The following PRKCE variants were observed in gnomAD, a reference collection of about 807,000 sequenced individuals.
PRKCE encodes protein kinase C epsilon type.
Under a neutral mutation model 85.4 loss-of-function variants are expected in PRKCE, and 16 were observed. The observed-to-expected ratio is 0.19, with a 90% CI of 0.13 to 0.28. The LOEUF (loss-of-function observed/expected upper bound fraction) is 0.28, where lower values mean the gene tolerates loss of function less well. Ranked by LOEUF, PRKCE falls within the 10% of genes least tolerant of loss-of-function variation. The pLI, the probability that PRKCE is intolerant of heterozygous loss-of-function variation, is 1.00. For synonymous variants in PRKCE, 388 were observed against 371.5 expected (o/e 1.04, Z -0.51); for missense variants, 573 against 975.2 (o/e 0.59, Z 5.49).
Position 45,709,189 on chromosome 2 carries a change from C to G in PRKCE, c.348+56741C>G, listed in dbSNP as rs975078328. Reference sequence around the variant, plus strand: ...CCCTTCTGGAAGAGGTTAGTAGGGCCTACCAGAGCTTGGTGGCAGGTGCTG... The same window carrying G: ...CCCTTCTGGAAGAGGTTAGTAGGGCGTACCAGAGCTTGGTGGCAGGTGCTG... On this transcript the variant is annotated intron_variant, in intron 1 of 14. Transcript: ENST00000306156. Among the ~76,000 whole-genome samples the G allele has an allele frequency of 3.9e-5, 6 of 152,178 alleles. No individual in the cohort carries two copies. In the South Asian group the frequency reaches 8.3e-4, roughly 21 times the overall value.
At chr2:45,805,845 C>T (rs1437975004) in intron 1 of PRKCE, among the ~76,000 whole-genome samples, 2 of 152,180 alleles carry the variant, frequency 1.3e-5, no homozygotes, top group Non-Finnish European at 2.9e-5. Flanking sequence ...GTGATCCTCC[C>T]TCCTTGGCCT....
intron 1 of PRKCE, among the ~76,000 whole-genome samples, chr2:45,834,936 T>C (rs1267245243): frequency 6.6e-6 from 1 of 152,242 alleles, no homozygotes; most frequent in Non-Finnish European, 1.5e-5. Context: ...ATTTAAATAA[T>C]TCAGCAGACT....
At chr2:46,038,487 C>T (rs935303287) in intron 10 of PRKCE, among the ~76,000 whole-genome samples, 1 of 152,108 alleles carries the variant, frequency 6.6e-6, no homozygotes, top group Non-Finnish European at 1.5e-5. Flanking sequence ...ACTGCTAGCT[C>T]CCAAGCAATG....
At chr2:45,847,090 C>T (rs748239122) in intron 2 of PRKCE, among the ~76,000 whole-genome samples, 3 of 152,214 alleles carry the variant, frequency 2.0e-5, no homozygotes, top group Admixed American at 6.5e-5. Flanking sequence ...AGGGACTGTG[C>T]GATTGCTTTC....
At chr2:45,799,387 T>C (rs2105167080) in intron 1 of PRKCE, among the ~76,000 whole-genome samples, 1 of 152,110 alleles carries the variant, frequency 6.6e-6, no homozygotes, top group South Asian at 2.1e-4. Flanking sequence ...TTGTAGTAAA[T>C]ATAAAAGTTA....
intron 2 of PRKCE, among the ~76,000 whole-genome samples, chr2:45,872,339 A>C (rs1056642986): frequency 3.3e-5 from 5 of 152,322 alleles, no homozygotes; most frequent in Admixed American, 6.5e-5. Flanking sequence ...ATGAGGAGGC[A>C]AAGGGTGGAA....
intron 2 of PRKCE, among the ~76,000 whole-genome samples, chr2:45,892,655 C>A (rs1359349316): frequency 6.6e-6 from 1 of 152,112 alleles, no homozygotes; most frequent in East Asian, 1.9e-4. Flanking sequence ...TAAAGGCTGC[C>A]CTGGCGGTGG....
intron 11 of PRKCE, among the ~76,000 whole-genome samples, chr2:46,133,932 AAG>A (rs1674708380): frequency 6.6e-6 from 1 of 152,206 alleles, no homozygotes; most frequent in African/African-American, 2.4e-5. Flanking sequence ...TAAAGTGGCC[AAG>A]AGAGGCATCT....
rs139713842 is a variant in PRKCE at position 46,170,878 on chromosome 2, A to C, written c.2067+11126A>C. 1.6e-3 allele frequency among the ~76,000 whole-genome samples: 248 copies of C among 152,240 alleles called. 4 individuals are homozygous for C. The highest frequency in any genetic ancestry group is 5.5e-3 in the African/African-American group (227 of 41,542). On this transcript the variant is annotated intron_variant, in intron 14 of 14. Coordinates refer to ENST00000306156, the MANE Select transcript of PRKCE (RefSeq NM_005400.3). Reference sequence around the variant, plus strand: ...GAACATTTTCCTAAATAAGTGGGGGAGAGATTGGTAAGTGGAGGAACTGGG... The same window carrying C: ...GAACATTTTCCTAAATAAGTGGGGGCGAGATTGGTAAGTGGAGGAACTGGG...
At chr2:45,823,688 T>C (rs1689716377) in intron 1 of PRKCE, among the ~76,000 whole-genome samples, 2 of 152,208 alleles carry the variant, frequency 1.3e-5, no homozygotes, top group African/African-American at 4.8e-5. Flanking sequence ...GAGAGCAGCT[T>C]CCATCTGCCT....
intron 12 of PRKCE, among the ~76,000 whole-genome samples, chr2:46,150,504 G>A (rs941071978): frequency 6.6e-6 from 1 of 152,176 alleles, no homozygotes; most frequent in Non-Finnish European, 1.5e-5. Flanking sequence ...CCATTACAGG[G>A]TGGGGGAGAC....
chr2:45,867,278 T>C (rs1393387626), intron 2 of PRKCE, among the ~76,000 whole-genome samples: 1 of 152,246 alleles, frequency 6.6e-6, no homozygotes, highest in Non-Finnish European at 1.5e-5. Context: ...GGCCTTGGAA[T>C]AGGGTCGCCA....
intron 1 of PRKCE, among the ~76,000 whole-genome samples, chr2:45,814,961 C>G (rs1688925713): frequency 6.6e-6 from 1 of 152,140 alleles, no homozygotes; most frequent in African/African-American, 2.4e-5. Context: ...TGGGTGTTCT[C>G]TAAGTTCCTT....
chr2:46,179,847 C>G (rs1314038294), intron 14 of PRKCE, among the ~76,000 whole-genome samples: 3 of 152,308 alleles, frequency 2.0e-5, no homozygotes, highest in Admixed American at 6.5e-5. Flanking sequence ...CCATCCCCCC[C>G]AACTCCCTGC....
rs565149369 is a variant in PRKCE at position 45,693,618 on chromosome 2, G to A, written c.348+41170G>A. Among the ~76,000 whole-genome samples, 114 of 152,266 alleles carry A rather than the reference G, an allele frequency of 7.5e-4. 2 individuals are homozygous for A. The highest frequency in any genetic ancestry group is 2.5e-3 in the African/African-American group (105 of 41,554). On this transcript the variant is annotated intron_variant, in intron 1 of 14. Coordinates refer to ENST00000306156, the MANE Select transcript of PRKCE (RefSeq NM_005400.3). ...AATAATGGAAAATGAGGAGGCTGTC[G>A]GATCTGACAGCTGATGTTCTCTCTG...
At chr2:45,842,305 A>G (rs1691418798) in intron 1 of PRKCE, among the ~76,000 whole-genome samples, 1 of 152,160 alleles carries the variant, frequency 6.6e-6, no homozygotes, top group Non-Finnish European at 1.5e-5. Flanking sequence ...CGTCTTCTAC[A>G]CTGATTTCAG....
At position 46,145,251 on chromosome 2, in the gene PRKCE, G is replaced by T. The variant is rs1221094754; in HGVS notation, c.1731+20G>T. 2.5e-6 allele frequency: 4 copies of T among 1,599,282 alleles called. No individual in the cohort carries two copies. The Admixed American group carries it at 6.7e-5, about 27-fold the overall frequency. On this transcript the variant is annotated intron_variant, in intron 12 of 14. Transcript: ENST00000306156. This position sits in a 1 kb window ranked among gnomAD's most constrained non-coding sequence, Gnocchi z 4.6. ...CCTGAGGTAAGACCTGTGTGCAAAGGTTCACCTCCTCCTGGTGCCAGGACC... is the reference window on the plus strand; with the variant it reads ...CCTGAGGTAAGACCTGTGTGCAAAGTTTCACCTCCTCCTGGTGCCAGGACC...
chr2:46,076,840 A>C (rs1011350989), intron 10 of PRKCE, among the ~76,000 whole-genome samples: 1 of 152,234 alleles, frequency 6.6e-6, no homozygotes, highest in African/African-American at 2.4e-5. Context: ...AATTTGGAAC[A>C]ATGTGAATGA....
At chr2:45,928,813 A>G (rs1698823382) in intron 2 of PRKCE, among the ~76,000 whole-genome samples, 1 of 152,056 alleles carries the variant, frequency 6.6e-6, no homozygotes. Flanking sequence ...GCTCATGCAT[A>G]TAATGCATGC....
Sources: gnomAD v4.1 joint callset for allele counts (sites outside exome capture counted in the v4.1 genomes callset) on GRCh38, gnomAD v4.1.1 for gene constraint, Gnocchi (gnomAD v3.1) non-coding constraint, MANE v1.5 for transcripts, NCBI Gene and HGNC (gene_info 2026-07-23, HGNC 2026-07-21) for gene names.